ATP1B4: variants seen among roughly 807,000 people sequenced by gnomAD.
The protein encoded by ATP1B4 is protein ATP1B4.
In ATP1B4, 32 loss-of-function variants were observed where a neutral mutation model predicts 29.6. The observed-to-expected ratio is 1.08, with a 90% CI of 0.82 to 1.45. The LOEUF (loss-of-function observed/expected upper bound fraction) is 1.45, where lower values mean the gene tolerates loss of function less well. Ranked by LOEUF, ATP1B4 falls within the 40% of genes most tolerant of loss-of-function variation. ATP1B4 has a pLI of 0.00. For synonymous variants in ATP1B4, 127 were observed against 102.1 expected (o/e 1.24, Z -1.47); for missense variants, 323 against 276.2 (o/e 1.17, Z -1.20).
rs1569356658 is a variant in ATP1B4 at position 120,378,745 on chromosome X, A to G, written c.884A>G (p.Tyr295Cys). The G allele has an allele frequency of 3.3e-6, 4 of 1,210,215 alleles. No individual in the cohort carries two copies. Among genetic ancestry groups the G allele is most frequent in the Non-Finnish European group, 4.5e-6 (4 of 894,386 alleles). The stretch of plus-strand genomic sequence containing the variant: ...GAGTCGGCTTCTTTTGACCTCCGCT[A>G]CTACCCTTACTACGGCAAACTGACT... ...YPESASFDLR[Y>C]YPYYGKLTHV... Residue 295 changes from tyrosine (Y) to cysteine (C), a missense_variant, in exon 7 of 8, where the codon TAC becomes TGC. Physicochemically the swap from Tyr to Cys is radical, Grantham distance 194. Coordinates refer to ENST00000218008, the MANE Select transcript of ATP1B4 (RefSeq NM_001142447.3).
intron 4 of ATP1B4, 29 bp from the exon 5 acceptor site, chrX:120,375,343 T>G (rs374273264): frequency 1.0e-5 from 12 of 1,177,171 alleles, no homozygotes; most frequent in Non-Finnish European, 1.4e-5. Context: ...CTGTCTAACA[T>G]AACCTGTTGC....
chrX:120,376,138 G>C (rs2058353736), intron 5 of ATP1B4, among the ~76,000 whole-genome samples: 1 of 111,029 alleles, frequency 9.0e-6, no homozygotes, highest in African/African-American at 3.3e-5. Flanking sequence ...CTTTAGCATT[G>C]ACTTGCTGAC....
At position 120,379,839 on chromosome X, in the gene ATP1B4, A is replaced by C. The variant is rs775208928; in HGVS notation, c.*205A>C. 2.0e-4 allele frequency: 71 copies of C among 355,988 alleles called. No homozygotes were observed. Among genetic ancestry groups the C allele is most frequent in the Non-Finnish European group, 3.0e-4 (63 of 211,776 alleles). 29.3% of individuals were successfully genotyped at this position (355,988 alleles called of 1,213,427 possible). ...TTAAAGGTAGTGTCTCCTGATGACAAACAGAGTATATTAATTTCCTTTCCC... is the reference window on the plus strand; with the variant it reads ...TTAAAGGTAGTGTCTCCTGATGACACACAGAGTATATTAATTTCCTTTCCC... On this transcript the variant is annotated 3_prime_UTR_variant, in exon 8 of 8. Transcript: ENST00000218008.
chrX:120,362,314 T>C lies in ATP1B4; in HGVS notation c.63+83T>C, dbSNP rs1171305113. 7.7e-6 allele frequency: 7 copies of C among 911,173 alleles called. No homozygotes were observed. The African/African-American group carries it at 9.8e-5, about 13-fold the overall frequency. 75.1% of individuals were successfully genotyped at this position (911,173 alleles called of 1,213,427 possible). A position where few individuals can be genotyped will look rare whatever the true frequency, so the allele number is the denominator to read the frequency against. On this transcript the variant is annotated intron_variant, in intron 1 of 7. Transcript: ENST00000218008. ...GGGTTGGGGGCTGTGTAGACCTTGGTTTACGGCTGCCTCTCTTTGAGACGG... is the reference window on the plus strand; with the variant it reads ...GGGTTGGGGGCTGTGTAGACCTTGGCTTACGGCTGCCTCTCTTTGAGACGG...
chrX:120,378,592 A>G, intron 6 of ATP1B4, 86 bp from the exon 7 acceptor site: 1 of 796,941 alleles, frequency 1.3e-6, no homozygotes, highest in Non-Finnish European at 1.9e-6. Context: ...TCACACAGTG[A>G]TTTCACCTGG....
At chrX:120,375,830 C>T (rs936678225) in intron 5 of ATP1B4, among the ~76,000 whole-genome samples, 2 of 109,687 alleles carry the variant, frequency 1.8e-5, no homozygotes, top group Non-Finnish European at 3.8e-5. Context: ...TAGTCAAGTG[C>T]AGTGGCTCGA....
At chrX:120,376,354 AT>A (rs1291029477) in intron 5 of ATP1B4, 25 bp from the exon 6 acceptor site, 12 of 1,200,020 alleles carry the variant, frequency 1.0e-5, no homozygotes, top group Non-Finnish European at 1.1e-5. Context: ...TTAAAAAAAA[AT>A]AAAACACTGG....
intron 2 of ATP1B4, among the ~76,000 whole-genome samples, chrX:120,368,202 C>A (rs1234767515): frequency 8.9e-6 from 1 of 111,948 alleles, no homozygotes; most frequent in Non-Finnish European, 1.9e-5. Flanking sequence ...AATAGGGACA[C>A]AGCATGATAG....
chrX:120,366,214 G>C (rs2058284856), intron 1 of ATP1B4, among the ~76,000 whole-genome samples: 1 of 111,620 alleles, frequency 9.0e-6, no homozygotes, highest in African/African-American at 3.3e-5. Flanking sequence ...TTAAGTGGGA[G>C]GTCAAGGCCC....
At position 120,378,669 on chromosome X, in the gene ATP1B4, T is replaced by G. The variant is rs770555650; in HGVS notation, c.817-9T>G. 1.9e-5 allele frequency: 23 copies of G among 1,204,355 alleles called. No individual in the cohort carries two copies. The highest frequency in any genetic ancestry group is 2.5e-5 in the Non-Finnish European group (22 of 890,536). ...CCAGCACCCCACATATACCTGCTTT[T>G]GCTTACAGAGAGGTGATGAAAATGA... On this transcript the variant is annotated splice_polypyrimidine_tract_variant and intron_variant, in intron 6 of 7. Coordinates refer to ENST00000218008, the MANE Select transcript of ATP1B4 (RefSeq NM_001142447.3).
In ATP1B4 at chrX:120,379,571, A is replaced by T. The variant is rs1189446705; in HGVS notation, c.1011A>T (p.Ile337=). ...VQCQLKGKGV[I]NDVINDRFVG... ...GCCAACTGAAGGGCAAAGGCGTCAT[A>T]AATGATGTCATCAATGATCGTTTTG... Residue 337 remains isoleucine (I), a synonymous_variant, in exon 8 of 8, where the codon ATA becomes ATT. Coordinates refer to ENST00000218008, the MANE Select transcript of ATP1B4 (RefSeq NM_001142447.3). 2 of 1,211,252 alleles carry T rather than the reference A, an allele frequency of 1.7e-6. No homozygotes were observed. The highest frequency in any genetic ancestry group is 5.9e-5 in the East Asian group (2 of 33,782).
chrX:120,371,599 T>C (rs2058313927), intron 4 of ATP1B4, among the ~76,000 whole-genome samples: 1 of 111,930 alleles, frequency 8.9e-6, no homozygotes, highest in South Asian at 3.7e-4. Context: ...GAAAGATTCC[T>C]ATCTTCTAAA....
chrX:120,375,982 T>C lies in ATP1B4; in HGVS notation c.760-398T>C, dbSNP rs965903332. Among the ~76,000 whole-genome samples, 4 of 111,855 alleles carry C rather than the reference T, an allele frequency of 3.6e-5. No individual in the cohort carries two copies. The East Asian group carries it at 1.1e-3, about 31-fold the overall frequency. The stretch of plus-strand genomic sequence containing the variant: ...TTAAATAAAGAATGGAATACTGAGC[T>C]GTTTGGAACAGGGGATTGAAATGAG... On this transcript the variant is annotated intron_variant, in intron 5 of 7. Coordinates refer to ENST00000218008, the MANE Select transcript of ATP1B4 (RefSeq NM_001142447.3).
Position 120,382,903 on chromosome X carries a change from T to C in ATP1B4, c.*3269T>C, listed in dbSNP as rs191126222. Reference sequence around the variant, plus strand: ...ATACAGAACTGGATATGATAATATATTCATTAAAGTTATGTTCTAACTGTT... The same window carrying C: ...ATACAGAACTGGATATGATAATATACTCATTAAAGTTATGTTCTAACTGTT... On this transcript the variant is annotated 3_prime_UTR_variant, in exon 8 of 8. Coordinates refer to ENST00000218008, the MANE Select transcript of ATP1B4 (RefSeq NM_001142447.3). 24 of 112,354 alleles carry C rather than the reference T, an allele frequency of 2.1e-4. No homozygotes were observed. Among genetic ancestry groups the C allele is most frequent in the African/African-American group, 7.1e-4 (22 of 30,985 alleles). The allele number at this position is 112,354 out of a possible 1,213,427, so 9.3% of individuals were successfully genotyped here. A position where few individuals can be genotyped will look rare whatever the true frequency, so the allele number is the denominator to read the frequency against.
chrX:120,378,018 A>C (rs2058364612), intron 6 of ATP1B4, among the ~76,000 whole-genome samples: 1 of 111,508 alleles, frequency 9.0e-6, no homozygotes, highest in South Asian at 3.9e-4. Context: ...TAATGTGATG[A>C]GTGTAGATCT....
chrX:120,375,506 C>A lies in ATP1B4; in HGVS notation c.697C>A (p.Leu233Met). 8.3e-7 allele frequency: 1 copy of A among 1,211,184 alleles called. No individual in the cohort carries two copies. The highest frequency in any genetic ancestry group is 1.1e-6 in the Non-Finnish European group (1 of 895,300). Reference protein sequence around the residue: ...KRSFLKNCSGLEDPTFGYSTG... With the variant: ...KRSFLKNCSGMEDPTFGYSTG... ...CTCCTTCCTAAAGAACTGCTCTGGT[C>A]TGGAGGACCCAACTTTTGGATACTC... Residue 233 changes from leucine (L) to methionine (M), a missense_variant, in exon 5 of 8, where the codon CTG becomes ATG. By Grantham distance (15) the Leu-to-Met change is conservative (BLOSUM62 2). Coordinates refer to ENST00000218008, the MANE Select transcript of ATP1B4 (RefSeq NM_001142447.3).
In ATP1B4 at chrX:120,378,722, G is replaced by A; in HGVS notation, c.861G>A (p.Glu287=). ...TCCGATCCATCAGTTACTACCCAGA[G>A]TCGGCTTCTTTTGACCTCCGCTACT... ...NDIRSISYYP[E]SASFDLRYYP... is the part of the protein sequence containing the mutation. Residue 287 remains glutamate (E), a synonymous_variant, in exon 7 of 8, where the codon GAG becomes GAA. Coordinates refer to ENST00000218008, the MANE Select transcript of ATP1B4 (RefSeq NM_001142447.3). 1 of 1,209,275 alleles carries A rather than the reference G, an allele frequency of 8.3e-7. No homozygotes were observed. The highest frequency in any genetic ancestry group is 2.3e-4 in the Middle Eastern group (1 of 4,354).
chrX:120,374,266 C>G (rs1444850414), intron 4 of ATP1B4, among the ~76,000 whole-genome samples: 1 of 108,585 alleles, frequency 9.2e-6, no homozygotes, highest in Non-Finnish European at 1.9e-5. Context: ...CCCAAGAGAA[C>G]TAGGTGGCTG....
Position 120,376,431 on chromosome X carries a change from G to C in ATP1B4, c.811G>C (p.Val271Leu). ...LGDPVKVSCK[V>L]QRGDENDIRS... is the part of the protein sequence containing the mutation. Reference sequence around the variant, plus strand: ...AGATCCTGTGAAGGTTTCCTGCAAAGTTCAGGTAAAGAGTCCTTTTGAGTA... The same window carrying C: ...AGATCCTGTGAAGGTTTCCTGCAAACTTCAGGTAAAGAGTCCTTTTGAGTA... The change falls in exon 6 of 8, where the codon GTT (valine) becomes CTT (leucine). Residue 271 changes from valine to leucine, a missense_variant. By Grantham distance (32) the Val-to-Leu change is conservative (BLOSUM62 1). Transcript: ENST00000218008. 2 of 1,208,385 alleles carry C rather than the reference G, an allele frequency of 1.7e-6. No homozygotes were observed. The highest frequency in any genetic ancestry group is 2.2e-6 in the Non-Finnish European group (2 of 892,555).
Sources: allele counts gnomAD v4.1 joint callset (sites outside exome capture counted in the v4.1 genomes callset), GRCh38; gene constraint gnomAD v4.1.1; transcripts MANE v1.5; gene names NCBI Gene and HGNC (gene_info 2026-07-23, HGNC 2026-07-21).